MICAL1: variants seen among roughly 807,000 people sequenced by gnomAD.
MICAL1 encodes [F-actin]-monooxygenase MICAL1.
Under a neutral mutation model 131.8 loss-of-function variants are expected in MICAL1, and 95 were observed. The observed-to-expected ratio is 0.72, with a 90% confidence interval of 0.61 to 0.86. The LOEUF is 0.86. Among genes scored for constraint, MICAL1 ranks in the 40% least tolerant of loss-of-function variants. The pLI is 0.00. For missense variants in MICAL1, 1,292 were observed against 1,380.6 expected (o/e 0.94, Z 1.02); for synonymous variants, 546 against 554.2 (o/e 0.99, Z 0.21).
intron 1 of MICAL1, chr6:109,464,634 A>C (rs1407299075): frequency 6.6e-6 from 1 of 152,194 alleles, no homozygotes; most frequent in Admixed American, 6.5e-5. Context: ...TCTGAGGCTC[A>C]AAGTTTTAAG....
chr6:109,451,091 C>T (rs2115335078), intron 7 of MICAL1, among the ~76,000 whole-genome samples: 1 of 151,760 alleles, frequency 6.6e-6, no homozygotes, highest in East Asian at 1.9e-4. Flanking sequence ...TCTACTGTGG[C>T]TGGTATAAGG....
chr6:109,448,967 T>C, intron 11 of MICAL1, 88 bp from the exon 12 acceptor site: 1 of 1,549,200 alleles, frequency 6.5e-7, no homozygotes, highest in South Asian at 1.2e-5. Context: ...GGGGGTTCTG[T>C]AGGGGAGGAG....
upstream of MICAL1, among the ~76,000 whole-genome samples, chr6:109,458,273 G>T (rs577157715): frequency 6.6e-6 from 1 of 152,268 alleles, no homozygotes; most frequent in African/African-American, 2.4e-5. Context: ...GATCAAATAA[G>T]TGGGTGACAC....
intron 12 of MICAL1, 33 bp downstream of exon 12, chr6:109,448,699 C>G: frequency 1.9e-6 from 3 of 1,612,652 alleles, no homozygotes; most frequent in South Asian, 2.2e-5. Context: ...ACACTGAGAT[C>G]ATGAGAGAGA....
chr6:109,447,307 C>T, intron 16 of MICAL1, 50 bp downstream of exon 16: 1 of 1,613,976 alleles, frequency 6.2e-7, no homozygotes, highest in Non-Finnish European at 8.5e-7. Flanking sequence ...TGAAACGCCC[C>T]TGCCCTGCCC....
At position 109,444,186 on chromosome 6, in the gene MICAL1, C is replaced by T. The variant is rs1775099215; in HGVS notation, c.*5G>A. On this transcript the variant is annotated 3_prime_UTR_variant, in exon 25 of 25. Coordinates refer to ENST00000358807, the MANE Select transcript of MICAL1 (RefSeq NM_022765.4). The stretch of plus-strand genomic sequence containing the variant: ...TGGGAACGAAAGCAGACGGCCCACC[C>T]TCGTCTAGCCCTGGGCCCCTGTCCC... 6.2e-7 allele frequency: 1 copy of T among 1,610,344 alleles called. No individual in the cohort carries two copies. Among genetic ancestry groups the T allele is most frequent in the Non-Finnish European group, 8.5e-7 (1 of 1,178,848 alleles).
chr6:109,455,377 G>A lies in MICAL1; in HGVS notation c.-44+342C>T, dbSNP rs1345769686. ...GGCAGACGGAATCTCATGACGGAAG[G>A]GCAAAGATCTTTCTTGGGGGTGGAG... On this transcript the variant is annotated intron_variant, in intron 1 of 24. Transcript: ENST00000358807. The surrounding 1 kb of genome is among the most constrained non-coding windows in gnomAD (Gnocchi z 4.7). Among the ~76,000 whole-genome samples the A allele has an allele frequency of 1.3e-5, 2 of 152,214 alleles. No individual in the cohort carries two copies. The highest frequency in any genetic ancestry group is 2.9e-5 in the Non-Finnish European group (2 of 68,044).
intron 1 of MICAL1, chr6:109,463,742 G>C (rs1289028081): frequency 2.0e-5 from 3 of 152,280 alleles, no homozygotes; most frequent in Non-Finnish European, 4.4e-5. Flanking sequence ...GTATGAAAAA[G>C]AGAATGTAAA....
At chr6:109,448,151 A>ACACACACACT in intron 13 of MICAL1, 52 bp downstream of exon 13, 1 of 1,558,028 alleles carries the variant, frequency 6.4e-7, no homozygotes, top group South Asian at 1.1e-5. Flanking sequence ...ACACACACAC[A>ACACACACACT]CACACACACC....
Position 109,446,317 on chromosome 6 carries a change from C to A in MICAL1, c.2400G>T (p.Gln800His). 1 of 1,613,776 alleles carries A rather than the reference C, an allele frequency of 6.2e-7. No individual in the cohort carries two copies. The highest frequency in any genetic ancestry group is 8.5e-7 in the Non-Finnish European group (1 of 1,179,916). ...AGAGGCGGATCTGCCGACGGGTGGG[C>A]TGGCTGGGATCTGGAACAGGACCGG... The part of the protein sequence containing the change: ...EGAGPVPDPS[Q>H]PTRRQIRLSS... The change falls in exon 19 of 25, where the codon CAG becomes CAT. Residue 800 changes from glutamine to histidine, a missense_variant. Transcript: ENST00000358807.
chr6:109,456,044 C>T (rs992800786), upstream of MICAL1: 9 of 985,794 alleles, frequency 9.1e-6, no homozygotes, highest in African/African-American at 1.7e-5. Flanking sequence ...CACCCCGTTC[C>T]GCTCTGGGGC....
intron 1 of MICAL1, 51 bp from the exon 2 acceptor site, chr6:109,454,290 AAAGG>A: frequency 6.7e-7 from 1 of 1,482,196 alleles, no homozygotes; most frequent in Non-Finnish European, 9.0e-7. Context: ...GAAGAAATAA[AAAGG>A]AAGGGGAGGC....
intron 15 of MICAL1, 78 bp from the exon 16 acceptor site, chr6:109,447,518 G>A (rs917032488): frequency 1.3e-6 from 2 of 1,532,538 alleles, no homozygotes; most frequent in Non-Finnish European, 1.8e-6. Flanking sequence ...ATGAACACAA[G>A]GGGCTGAAGG....
chr6:109,445,086 G>T lies in MICAL1; in HGVS notation c.2882-91C>A, dbSNP rs566230462. 2.9e-5 allele frequency: 46 copies of T among 1,568,260 alleles called. No individual in the cohort carries two copies. In the South Asian group the frequency reaches 4.8e-4, roughly 16 times the overall value. ...CTTAGGGGAGACAGGAGAGCCGGGT[G>T]TCACAGGTATGTGTTAGCTGTGTGG... On this transcript the variant is annotated intron_variant, in intron 22 of 24. Coordinates refer to ENST00000358807, the MANE Select transcript of MICAL1 (RefSeq NM_022765.4).
chr6:109,459,241 T>G (rs1210116746), upstream of MICAL1, among the ~76,000 whole-genome samples: 2 of 152,182 alleles, frequency 1.3e-5, no homozygotes, highest in Non-Finnish European at 2.9e-5. Context: ...AATCCATTCA[T>G]TCAGCAAGGC....
At position 109,446,300 on chromosome 6, in the gene MICAL1, A is replaced by G. The variant is rs1323728442; in HGVS notation, c.2417T>C (p.Ile806Thr). Residue 806 changes from isoleucine to threonine, a missense_variant, in exon 19 of 25, where the codon ATC becomes ACC. Physicochemically the swap from Ile to Thr is moderately conservative, Grantham distance 89 (BLOSUM62 -1). Transcript: ENST00000358807. Reference protein sequence around the residue: ...PDPSQPTRRQIRLSSPERQRL... With the variant: ...PDPSQPTRRQTRLSSPERQRL... ...CTGGCGCTCCGGGCTGGAGAGGCGGATCTGCCGACGGGTGGGCTGGCTGGG... is the reference window on the plus strand; with the variant it reads ...CTGGCGCTCCGGGCTGGAGAGGCGGGTCTGCCGACGGGTGGGCTGGCTGGG... 2.5e-6 allele frequency: 4 copies of G among 1,614,022 alleles called. No homozygotes were observed. In the Admixed American group the frequency reaches 6.7e-5, roughly 27 times the overall value.
chr6:109,457,713 ACTCAAT>A (rs1775791562), upstream of MICAL1, among the ~76,000 whole-genome samples: 1 of 152,128 alleles, frequency 6.6e-6, no homozygotes, highest in Non-Finnish European at 1.5e-5. Flanking sequence ...GTCTGGCTTG[ACTCAAT>A]GCCTTTTGCC....
chr6:109,451,362 C>T (rs2115335583), intron 7 of MICAL1, among the ~76,000 whole-genome samples: 1 of 152,236 alleles, frequency 6.6e-6, no homozygotes, highest in South Asian at 2.1e-4. Flanking sequence ...CCATGTTGGC[C>T]AGGCTGGTCT....
Position 109,446,284 on chromosome 6 carries a change from C to G in MICAL1, c.2433G>C (p.Pro811=). The change falls in exon 19 of 25, where the codon CCG becomes CCC. Residue 811 remains proline, a synonymous_variant. Coordinates refer to ENST00000358807, the MANE Select transcript of MICAL1 (RefSeq NM_022765.4). ...PTRRQIRLSS[P]ERQRLSSLNL... Reference sequence around the variant, plus strand: ...TAAGGGAGGACAACCGCTGGCGCTCCGGGCTGGAGAGGCGGATCTGCCGAC... The same window carrying G: ...TAAGGGAGGACAACCGCTGGCGCTCGGGGCTGGAGAGGCGGATCTGCCGAC... 1 of 1,613,440 alleles carries G rather than the reference C, an allele frequency of 6.2e-7. No homozygotes were observed. Among genetic ancestry groups the G allele is most frequent in the Non-Finnish European group, 8.5e-7 (1 of 1,179,798 alleles).
Sources: gnomAD v4.1 joint callset for allele counts (sites outside exome capture counted in the v4.1 genomes callset) on GRCh38, gnomAD v4.1.1 for gene constraint, Gnocchi (gnomAD v3.1) non-coding constraint, MANE v1.5 for transcripts, NCBI Gene and HGNC (gene_info 2026-07-23, HGNC 2026-07-21) for gene names.